Variants in ABHD5 observed in about 807,000 individuals in gnomAD.
The protein encoded by ABHD5 is abhydrolase domain containing 5, lysophosphatidic acid acyltransferase, also known as 1-acylglycerol-3-phosphate O-acyltransferase ABHD5.
ABHD5 carries 30 observed loss-of-function variants against 44.9 expected under a neutral mutation model. That is an observed-to-expected ratio of 0.67 (90% CI 0.50 to 0.91). The LOEUF (loss-of-function observed/expected upper bound fraction) is 0.91. ABHD5 is among the 40% of genes least tolerant of loss of function. The probability of loss-of-function intolerance (pLI) is 0.00; values close to 1 mark genes in which losing one functional copy is unlikely to be tolerated. For missense variants in ABHD5, 399 were observed against 423.4 expected, an observed-to-expected ratio of 0.94 and a Z score of 0.50; for synonymous variants, 167 against 147.0, an observed-to-expected ratio of 1.14 and a Z score of -0.99.
In ABHD5 at chr3:43,696,532, A is replaced by G. The variant is rs539084776; in HGVS notation, c.48-2744A>G. 9.5e-4 allele frequency among the ~76,000 whole-genome samples: 145 copies of G among 152,310 alleles called. 1 individual carries two copies. The highest frequency in any genetic ancestry group is 3.4e-3 in the African/African-American group (142 of 41,568). ...GTCTCTTTGAAGGTGAGATTAATTT[A>G]TCCCGAAGACAGGAGGTAGAGTTGG... On this transcript the variant is annotated intron_variant, in intron 1 of 6. Transcript: ENST00000644371.
At chr3:43,698,212 TA>T (rs961322965) in intron 1 of ABHD5, among the ~76,000 whole-genome samples, 1 of 152,202 alleles carries the variant, frequency 6.6e-6, no homozygotes, top group African/African-American at 2.4e-5. Context: ...ATCCTTATTA[TA>T]ACTTCTTTAT....
At chr3:43,731,608 G>T (rs1187413719) in intron 7 of ABHD5, among the ~76,000 whole-genome samples, 1 of 152,138 alleles carries the variant, frequency 6.6e-6, no homozygotes, top group Non-Finnish European at 1.5e-5. Context: ...AAGGCAGGCG[G>T]ATCACCTGAG....
At chr3:43,699,068 A>T (rs555349697) in intron 1 of ABHD5, among the ~76,000 whole-genome samples, 2 of 152,314 alleles carry the variant, frequency 1.3e-5, no homozygotes, top group Admixed American at 6.5e-5. Context: ...TTTGAGATCT[A>T]CTTGTAAGTA....
chr3:43,708,978 A>G (rs1253567971), intron 3 of ABHD5, among the ~76,000 whole-genome samples: 3 of 152,248 alleles, frequency 2.0e-5, no homozygotes, highest in African/African-American at 7.2e-5. Context: ...GTTCTTGACC[A>G]TCTAAATGGA....
chr3:43,717,877 T>G lies in ABHD5; in HGVS notation c.960+20T>G. ...ACAATAGTAAGTGTGTGGCTTGATT[T>G]GGGTTTTTAGGTATAGGTGAGGTCC... On this transcript the variant is annotated intron_variant, in intron 6 of 6. Transcript: ENST00000644371. The G allele has an allele frequency of 6.2e-7, 1 of 1,614,076 alleles. No individual in the cohort carries two copies. Among genetic ancestry groups the G allele is most frequent in the South Asian group, 1.1e-5 (1 of 91,074 alleles).
At chr3:43,705,597 T>C (rs1309899401) in intron 3 of ABHD5, among the ~76,000 whole-genome samples, 3 of 152,240 alleles carry the variant, frequency 2.0e-5, no homozygotes, top group Non-Finnish European at 4.4e-5. Flanking sequence ...AGTTTACTTT[T>C]TCCCTGTTCT....
rs149823149 is a variant in ABHD5, at chr3:43,699,041, C to T, written c.48-235C>T. ...TTTTGCTTATTTGGAATCTGACTATCCATGAATAAGATGGACTTTGAGATC... is the reference window on the plus strand; with the variant it reads ...TTTTGCTTATTTGGAATCTGACTATTCATGAATAAGATGGACTTTGAGATC... On this transcript the variant is annotated intron_variant, in intron 1 of 6. Coordinates refer to ENST00000644371, the MANE Select transcript of ABHD5 (RefSeq NM_016006.6). 3.3e-5 allele frequency among the ~76,000 whole-genome samples: 5 copies of T among 152,290 alleles called. No individual in the cohort carries two copies. In the East Asian group the frequency reaches 5.8e-4, roughly 18 times the overall value.
At chr3:43,706,982 GAGA>G (rs2084628604) in intron 3 of ABHD5, among the ~76,000 whole-genome samples, 1 of 152,132 alleles carries the variant, frequency 6.6e-6, no homozygotes, top group East Asian at 1.9e-4. Flanking sequence ...ACAGTTTGAA[GAGA>G]AGAATGAAAA....
Position 43,717,776 on chromosome 3 carries a change from C to A in ABHD5, c.879C>A (p.Ile293=), listed in dbSNP as rs147129794. The change falls in exon 6 of 7, where the codon ATC becomes ATA. Residue 293 remains isoleucine (I), a synonymous_variant. Transcript: ENST00000644371. ...ACCCTGACATTCCAGTTTCAGTGAT[C>A]TTTGGCGCCCGATCCTGCATAGATG... ...KMHPDIPVSV[I]FGARSCIDGN... 1 of 1,614,214 alleles carries A rather than the reference C, an allele frequency of 6.2e-7. No homozygotes were observed. Among genetic ancestry groups the A allele is most frequent in the East Asian group, 2.2e-5 (1 of 44,880 alleles).
At chr3:43,730,652 C>T (rs144309176) in intron 7 of ABHD5, among the ~76,000 whole-genome samples, 207 of 152,062 alleles carry the variant, frequency 1.4e-3, no homozygotes, top group African/African-American at 4.8e-3. Flanking sequence ...ACCATAGGCA[C>T]ATGTCACCAC....
rs1414018456 is a variant in ABHD5 at position 43,718,708 on chromosome 3, T to C, written c.*176T>C. 1.6e-6 allele frequency: 1 copy of C among 634,078 alleles called. No homozygotes were observed. Among genetic ancestry groups the C allele is most frequent in the Non-Finnish European group, 2.9e-6 (1 of 350,106 alleles). The allele number at this position is 634,078 out of a possible 1,614,324, so 39.3% of individuals were successfully genotyped here. A position where few individuals can be genotyped will look rare whatever the true frequency, so the allele number is the denominator to read the frequency against. On this transcript the variant is annotated 3_prime_UTR_variant, in exon 7 of 7. Transcript: ENST00000644371. Reference sequence around the variant, plus strand: ...CACATTTAAACCAGTTAGTGCCTTCTAGAAGAATGGCTTTCCTTTCTCCTA... The same window carrying C: ...CACATTTAAACCAGTTAGTGCCTTCCAGAAGAATGGCTTTCCTTTCTCCTA...
intron 1 of ABHD5, among the ~76,000 whole-genome samples, chr3:43,695,465 G>A (rs1178356927): frequency 6.6e-6 from 1 of 152,102 alleles, no homozygotes; most frequent in Middle Eastern, 3.2e-3. Flanking sequence ...ACTAGAATAG[G>A]AATGGAGGCC....
intron 3 of ABHD5, among the ~76,000 whole-genome samples, chr3:43,708,428 C>T (rs886249748): frequency 1.3e-5 from 2 of 152,176 alleles, no homozygotes; most frequent in Non-Finnish European, 2.9e-5. Context: ...AATATTTTTA[C>T]TAAAAGCGGA....
At chr3:43,733,117 A>G (rs1011919056) in intron 7 of ABHD5, among the ~76,000 whole-genome samples, 26 of 152,206 alleles carry the variant, frequency 1.7e-4, no homozygotes, top group Admixed American at 1.2e-3. Flanking sequence ...TCTTTGCTGG[A>G]TTCTGATGGT....
intron 7 of ABHD5, among the ~76,000 whole-genome samples, chr3:43,730,921 T>G (rs1283187173): frequency 6.6e-6 from 1 of 152,088 alleles, no homozygotes; most frequent in Non-Finnish European, 1.5e-5. Context: ...CTCTGCCTCC[T>G]GGGTTCAAGC....
At position 43,700,903 on chromosome 3, in the gene ABHD5, C is replaced by T. The variant is rs956392962; in HGVS notation, c.134-1312C>T. On this transcript the variant is annotated intron_variant, in intron 2 of 6. Transcript: ENST00000644371. ...CATGGATTTTTAACATGATAATGAA[C>T]TTCTATTCCATATACTTGGGTAAAC... 2.6e-5 allele frequency among the ~76,000 whole-genome samples: 4 copies of T among 152,244 alleles called. No homozygotes were observed. The East Asian group carries it at 7.7e-4, about 29-fold the overall frequency.
chr3:43,713,536 G>T (rs1416041279), intron 4 of ABHD5, among the ~76,000 whole-genome samples: 1 of 151,972 alleles, frequency 6.6e-6, no homozygotes. Flanking sequence ...GCAGGACTTA[G>T]AGGAGGATAT....
intron 3 of ABHD5, among the ~76,000 whole-genome samples, chr3:43,703,426 C>T (rs940295290): frequency 6.6e-6 from 1 of 152,006 alleles, no homozygotes; most frequent in African/African-American, 2.4e-5. Flanking sequence ...TGATCCACCC[C>T]CCTCGGCCTC....
At chr3:43,730,784 G>T (rs1327423534) in intron 7 of ABHD5, among the ~76,000 whole-genome samples, 1 of 152,048 alleles carries the variant, frequency 6.6e-6, no homozygotes, top group African/African-American at 2.4e-5. Context: ...GAGATTGCAG[G>T]CATGAGCCAC....
Sources: allele counts gnomAD v4.1 joint callset (sites outside exome capture counted in the v4.1 genomes callset), GRCh38; gene constraint gnomAD v4.1.1; transcripts MANE v1.5; gene names NCBI Gene and HGNC (gene_info 2026-07-23, HGNC 2026-07-21).